Variants in RIMS2 observed in about 807,000 individuals in gnomAD.
The protein encoded by RIMS2 is regulating synaptic membrane exocytosis 2.
Under a neutral mutation model 174.4 loss-of-function variants are expected in RIMS2, and 59 were observed. The observed-to-expected ratio is 0.34, with a 90% CI of 0.27 to 0.42. The LOEUF (loss-of-function observed/expected upper bound fraction) is 0.42, where lower values mean the gene tolerates loss of function less well. Among genes scored for constraint, RIMS2 ranks in the 10% least tolerant of loss-of-function variants. The probability of loss-of-function intolerance (pLI) is 1.00; values close to 1 mark genes in which losing one functional copy is unlikely to be tolerated. For synonymous variants in RIMS2, 606 were observed against 572.5 expected, an observed-to-expected ratio of 1.06 and a Z score of -0.84; for missense variants, 1,620 against 1,666.3, an observed-to-expected ratio of 0.97 and a Z score of 0.48.
At chr8:103,610,478 G>A (rs906640355) in intron 1 of RIMS2, among the ~76,000 whole-genome samples, 6 of 152,052 alleles carry the variant, frequency 3.9e-5, no homozygotes, top group African/African-American at 2.4e-5. Context: ...TGTCATAGAT[G>A]GTTCTTATTA....
intron 19 of RIMS2, among the ~76,000 whole-genome samples, chr8:104,089,869 A>T (rs1408591965): frequency 6.6e-6 from 1 of 151,688 alleles, no homozygotes; most frequent in Non-Finnish European, 1.5e-5. Context: ...TTTCTCAAAA[A>T]TTCTTAAAAT....
At chr8:103,565,233 C>T (rs1414841144) in intron 1 of RIMS2, among the ~76,000 whole-genome samples, 4 of 152,078 alleles carry the variant, frequency 2.6e-5, no homozygotes, top group African/African-American at 9.7e-5. Flanking sequence ...TCTTTAGCTC[C>T]AGTGGCCTTT....
intron 1 of RIMS2, among the ~76,000 whole-genome samples, chr8:103,536,608 G>A (rs1839864862): frequency 6.6e-6 from 1 of 152,172 alleles, no homozygotes; most frequent in Non-Finnish European, 1.5e-5. Flanking sequence ...GGGGGAAGCA[G>A]GCACATCTTG....
intron 4 of RIMS2, among the ~76,000 whole-genome samples, chr8:103,904,113 T>C (rs1455426526): frequency 6.6e-6 from 1 of 152,108 alleles, no homozygotes; most frequent in Non-Finnish European, 1.5e-5. Flanking sequence ...TTCTCCACCA[T>C]CCCTGATGTC....
chr8:104,171,759 T>A (rs1421069249), intron 19 of RIMS2, among the ~76,000 whole-genome samples: 2 of 152,162 alleles, frequency 1.3e-5, no homozygotes, highest in Admixed American at 1.3e-4. Flanking sequence ...CCCATTCATT[T>A]GGGTAAACTA....
chr8:103,640,719 T>A (rs2096210645), intron 1 of RIMS2, among the ~76,000 whole-genome samples: 1 of 152,102 alleles, frequency 6.6e-6, no homozygotes, highest in South Asian at 2.1e-4. Flanking sequence ...TCAGAGCATA[T>A]TTTGAATGAT....
intron 19 of RIMS2, among the ~76,000 whole-genome samples, chr8:104,021,709 C>G (rs935077445): frequency 6.6e-6 from 1 of 152,072 alleles, no homozygotes; most frequent in African/African-American, 2.4e-5. Flanking sequence ...GTTATGCTTT[C>G]TTCTTATTTC....
At chr8:103,735,704 C>T (rs2097676731) in intron 2 of RIMS2, among the ~76,000 whole-genome samples, 1 of 152,094 alleles carries the variant, frequency 6.6e-6, no homozygotes, top group South Asian at 2.1e-4. Context: ...GATTAGTGTT[C>T]TTGATGATTT....
At chr8:103,584,135 G>C (rs2132971618) in intron 1 of RIMS2, among the ~76,000 whole-genome samples, 1 of 152,274 alleles carries the variant, frequency 6.6e-6, no homozygotes, top group East Asian at 1.9e-4. Context: ...CAGTATATCT[G>C]GCAGCAGACT....
At chr8:104,058,484 G>A (rs1266695527) in intron 19 of RIMS2, among the ~76,000 whole-genome samples, 1 of 150,956 alleles carries the variant, frequency 6.6e-6, no homozygotes, top group Non-Finnish European at 1.5e-5. Context: ...TGTCAGATGA[G>A]TAGGTTGCAA....
chr8:103,577,693 T>C (rs529343756), intron 1 of RIMS2, among the ~76,000 whole-genome samples: 1 of 152,288 alleles, frequency 6.6e-6, no homozygotes, highest in East Asian at 1.9e-4. Context: ...TGAATGAAAA[T>C]AAATATTTAC....
At chr8:103,957,957 G>A (rs2088111439) in intron 14 of RIMS2, among the ~76,000 whole-genome samples, 1 of 152,142 alleles carries the variant, frequency 6.6e-6, no homozygotes, top group African/African-American at 2.4e-5. Flanking sequence ...GTTGGTGGGA[G>A]TGTAAATTAG....
At chr8:103,828,061 A>G (rs2154477805) in intron 3 of RIMS2, among the ~76,000 whole-genome samples, 1 of 152,270 alleles carries the variant, frequency 6.6e-6, no homozygotes, top group Non-Finnish European at 1.5e-5. Context: ...ACCTCATGGG[A>G]TACTTACAAT....
chr8:103,664,505 T>C (rs2892597), intron 1 of RIMS2, among the ~76,000 whole-genome samples: 5 of 151,964 alleles, frequency 3.3e-5, no homozygotes. Flanking sequence ...GACATTTATC[T>C]GGCCAACAAA....
intron 3 of RIMS2, among the ~76,000 whole-genome samples, chr8:103,835,923 C>T (rs2098885386): frequency 6.6e-6 from 1 of 152,276 alleles, no homozygotes; most frequent in Non-Finnish European, 1.5e-5. Flanking sequence ...AATGACAAAA[C>T]ATGAGCAAGA....
chr8:103,805,967 A>G (rs961993084), intron 3 of RIMS2, among the ~76,000 whole-genome samples: 3 of 152,100 alleles, frequency 2.0e-5, no homozygotes, highest in African/African-American at 7.2e-5. Flanking sequence ...TGGGGAGTCA[A>G]AATTGTTGCA....
At chr8:103,916,081 A>G (rs892108829) in intron 7 of RIMS2, among the ~76,000 whole-genome samples, 1 of 152,036 alleles carries the variant, frequency 6.6e-6, no homozygotes, top group African/African-American at 2.4e-5. Context: ...GCTCAGTTGC[A>G]CATATATTGA....
At chr8:104,031,595 A>G (rs1217877415) in intron 19 of RIMS2, among the ~76,000 whole-genome samples, 3 of 152,140 alleles carry the variant, frequency 2.0e-5, no homozygotes, top group African/African-American at 7.2e-5. Flanking sequence ...AATCCCATAG[A>G]TCCCTGAAGT....
chr8:103,659,397 C>T (rs1248494513), intron 1 of RIMS2, among the ~76,000 whole-genome samples: 1 of 152,152 alleles, frequency 6.6e-6, no homozygotes, highest in Non-Finnish European at 1.5e-5. Flanking sequence ...GCCCACCAGC[C>T]TAATTTCACC....
Sources: allele counts gnomAD v4.1 joint callset (sites outside exome capture counted in the v4.1 genomes callset), GRCh38; gene constraint gnomAD v4.1.1; transcripts MANE v1.5; gene names NCBI Gene and HGNC (gene_info 2026-07-23, HGNC 2026-07-21).